The following MACROD2 variants were observed in gnomAD, a reference collection of about 807,000 sequenced individuals.
The protein encoded by MACROD2 is mono-ADP ribosylhydrolase 2.
In MACROD2, 36 loss-of-function variants were observed where a neutral mutation model predicts 70.4. The ratio of observed to expected loss-of-function variants is 0.51; its 90% confidence interval spans 0.39 to 0.68. MACROD2 has a LOEUF of 0.68. Among genes scored for constraint, MACROD2 ranks in the 30% least tolerant of loss-of-function variants. The probability of loss-of-function intolerance (pLI) is 0.00; values close to 1 mark genes in which losing one functional copy is unlikely to be tolerated. For missense variants in MACROD2, 496 were observed against 538.4 expected (o/e 0.92, Z 0.78); for synonymous variants, 172 against 178.8 (o/e 0.96, Z 0.30).
intron 5 of MACROD2, among the ~76,000 whole-genome samples, chr20:14,711,207 C>T (rs1004401307): frequency 2.6e-5 from 4 of 152,122 alleles, no homozygotes; most frequent in Non-Finnish European, 4.4e-5. Context: ...ACACAGATAG[C>T]CATCTTTGAT....
chr20:14,425,632 T>C (rs1021992928), intron 3 of MACROD2, among the ~76,000 whole-genome samples: 1 of 152,218 alleles, frequency 6.6e-6, no homozygotes, highest in Non-Finnish European at 1.5e-5. Context: ...CCATCATTTT[T>C]GTCTTTCTGA....
At chr20:14,118,370 A>G (rs900735532) in intron 3 of MACROD2, among the ~76,000 whole-genome samples, 4 of 152,140 alleles carry the variant, frequency 2.6e-5, no homozygotes, top group Non-Finnish European at 5.9e-5. Context: ...ATTTGATTAG[A>G]CTCTGCCACT....
chr20:14,858,464 C>T (rs2073279414), intron 5 of MACROD2, among the ~76,000 whole-genome samples: 1 of 152,040 alleles, frequency 6.6e-6, no homozygotes, highest in African/African-American at 2.4e-5. Flanking sequence ...AGAAAAAATG[C>T]AATTTGGATC....
At chr20:14,756,137 A>G (rs969336037) in intron 5 of MACROD2, among the ~76,000 whole-genome samples, 1 of 152,168 alleles carries the variant, frequency 6.6e-6, no homozygotes, top group Non-Finnish European at 1.5e-5. Flanking sequence ...TCCAGTGACC[A>G]GAAACATCTC....
chr20:14,277,680 G>A (rs1375003362), intron 3 of MACROD2, among the ~76,000 whole-genome samples: 1 of 152,030 alleles, frequency 6.6e-6, no homozygotes, highest in Non-Finnish European at 1.5e-5. Context: ...CCACTTTAGT[G>A]CCAGGCATTG....
At chr20:15,848,925 G>A (rs2064265419) in intron 8 of MACROD2, among the ~76,000 whole-genome samples, 1 of 152,112 alleles carries the variant, frequency 6.6e-6, no homozygotes, top group Non-Finnish European at 1.5e-5. Context: ...TCTCCTCCAG[G>A]GATCTACCGT....
chr20:14,853,773 A>G (rs1327028060), intron 5 of MACROD2, among the ~76,000 whole-genome samples: 1 of 152,096 alleles, frequency 6.6e-6, no homozygotes, highest in Non-Finnish European at 1.5e-5. Flanking sequence ...ATAAGATTTT[A>G]TTTGACATCT....
At chr20:14,649,169 G>T (rs955474658) in intron 4 of MACROD2, among the ~76,000 whole-genome samples, 8 of 152,112 alleles carry the variant, frequency 5.3e-5, no homozygotes, top group Non-Finnish European at 8.8e-5. Flanking sequence ...CAAAATAAAA[G>T]AAATAGCCAT....
chr20:14,959,717 A>G (rs1212417490), intron 5 of MACROD2, among the ~76,000 whole-genome samples: 1 of 152,204 alleles, frequency 6.6e-6, no homozygotes, highest in Non-Finnish European at 1.5e-5. Context: ...CTGTTTCGCA[A>G]CACATAGTAG....
chr20:15,384,690 T>C (rs1160739832), intron 6 of MACROD2, among the ~76,000 whole-genome samples: 1 of 152,212 alleles, frequency 6.6e-6, no homozygotes, highest in Non-Finnish European at 1.5e-5. Flanking sequence ...ATAGTGTATT[T>C]ATATATACTA....
At chr20:15,706,969 G>A (rs1427442689) in intron 8 of MACROD2, among the ~76,000 whole-genome samples, 2 of 152,198 alleles carry the variant, frequency 1.3e-5, no homozygotes, top group African/African-American at 4.8e-5. Flanking sequence ...AAGGGACTAA[G>A]TTGGATGGCT....
chr20:15,646,876 T>TCAG lies in MACROD2; in HGVS notation c.645+147030_645+147032dup, dbSNP rs374328855. Among the ~76,000 whole-genome samples, 16 of 152,324 alleles carry TCAG rather than the reference T, an allele frequency of 1.1e-4. No homozygotes were observed. The East Asian group carries it at 1.9e-3, about 18-fold the overall frequency. ...TAAACCTCTTTCCTTTGTAAATTAC[T>TCAG]CAGTGTCAGGCAGTTCTTTACAGTA... is the stretch of plus-strand genomic sequence containing the variant. On this transcript the variant is annotated intron_variant, in intron 8 of 17. Transcript: ENST00000684519.
At chr20:14,618,316 C>A (rs1983598607) in intron 4 of MACROD2, among the ~76,000 whole-genome samples, 2 of 152,096 alleles carry the variant, frequency 1.3e-5, no homozygotes, top group South Asian at 4.2e-4. Context: ...TGAGAGGCAG[C>A]ATAGTAGAAT....
intron 5 of MACROD2, among the ~76,000 whole-genome samples, chr20:15,035,836 C>T (rs192241673): frequency 6.6e-6 from 1 of 152,276 alleles, no homozygotes; most frequent in East Asian, 1.9e-4. Flanking sequence ...TTCTCCTTTC[C>T]TAGCCATGGG....
At chr20:14,667,303 C>T (rs1004225012) in intron 4 of MACROD2, among the ~76,000 whole-genome samples, 2 of 152,108 alleles carry the variant, frequency 1.3e-5, no homozygotes, top group African/African-American at 4.8e-5. Context: ...CCTAAATGTT[C>T]TCCCTAGATC....
At chr20:15,364,427 G>C (rs1396316886) in intron 6 of MACROD2, among the ~76,000 whole-genome samples, 1 of 152,168 alleles carries the variant, frequency 6.6e-6, no homozygotes, top group Non-Finnish European at 1.5e-5. Flanking sequence ...ATAGACCCAG[G>C]TATGCCCCTC....
At chr20:14,803,327 G>A (rs1568804594) in intron 5 of MACROD2, among the ~76,000 whole-genome samples, 1 of 152,012 alleles carries the variant, frequency 6.6e-6, no homozygotes, top group African/African-American at 2.4e-5. Context: ...TTTAAATAGA[G>A]AACACTCACT....
chr20:14,336,084 A>G (rs1220865497), intron 3 of MACROD2, among the ~76,000 whole-genome samples: 3 of 152,180 alleles, frequency 2.0e-5, no homozygotes, highest in African/African-American at 7.2e-5. Context: ...TTCTCCCTGA[A>G]TATAAGCAAA....
At chr20:14,205,520 C>T (rs1447457698) in intron 3 of MACROD2, among the ~76,000 whole-genome samples, 2 of 152,200 alleles carry the variant, frequency 1.3e-5, no homozygotes, top group Admixed American at 6.5e-5. Flanking sequence ...GGCTCCACCC[C>T]ACCCTTCCGG....
Sources: gnomAD v4.1 joint callset for allele counts (sites outside exome capture counted in the v4.1 genomes callset) on GRCh38, gnomAD v4.1.1 for gene constraint, MANE v1.5 for transcripts, NCBI Gene and HGNC (gene_info 2026-07-23, HGNC 2026-07-21) for gene names.